Variants in PDZRN3 observed in about 807,000 individuals in gnomAD.
PDZRN3 encodes the protein E3 ubiquitin-protein ligase PDZRN3.
Under a neutral mutation model 85.7 loss-of-function variants are expected in PDZRN3, and 38 were observed. The ratio of observed to expected loss-of-function variants is 0.44; its 90% CI spans 0.34 to 0.58. The LOEUF (loss-of-function observed/expected upper bound fraction) is 0.58, where lower values mean the gene tolerates loss of function less well. Ranked by LOEUF, PDZRN3 falls within the 20% of genes least tolerant of loss-of-function variation. The pLI is 0.01. For synonymous variants in PDZRN3, 759 were observed against 638.0 expected (o/e 1.19, Z -2.86); for missense variants, 1,629 against 1,506.4 (o/e 1.08, Z -1.35).
At chr3:73,530,645 GTTT>G (rs146826934) in intron 3 of PDZRN3, among the ~76,000 whole-genome samples, 102 of 151,914 alleles carry the variant, frequency 6.7e-4, no homozygotes, top group Non-Finnish European at 1.1e-3. Flanking sequence ...CAGATCAAAT[GTTT>G]TTTGTTTATT....
chr3:73,485,055 T>C (rs1330677131), intron 3 of PDZRN3, among the ~76,000 whole-genome samples: 1 of 152,100 alleles, frequency 6.6e-6, no homozygotes, highest in Non-Finnish European at 1.5e-5. Flanking sequence ...AAAAACAAGC[T>C]TTTTATTAGT....
At chr3:73,578,115 C>G (rs896152320) in intron 3 of PDZRN3, among the ~76,000 whole-genome samples, 1 of 151,934 alleles carries the variant, frequency 6.6e-6, no homozygotes, top group Non-Finnish European at 1.5e-5. Flanking sequence ...CTTAAGTGTG[C>G]CATTTGTTTA....
intron 5 of PDZRN3, among the ~76,000 whole-genome samples, chr3:73,396,253 G>C (rs1701634647): frequency 6.6e-6 from 1 of 152,068 alleles, no homozygotes; most frequent in Admixed American, 6.6e-5. Flanking sequence ...AGTACTGGTG[G>C]CATAGGGATG....
At chr3:73,476,244 G>A (rs1287387365) in intron 3 of PDZRN3, among the ~76,000 whole-genome samples, 1 of 152,190 alleles carries the variant, frequency 6.6e-6, no homozygotes, top group Non-Finnish European at 1.5e-5. Flanking sequence ...CATGGCTGGG[G>A]AGGCCTCAGG....
chr3:73,562,498 A>G (rs1262002996), intron 3 of PDZRN3, among the ~76,000 whole-genome samples: 1 of 152,312 alleles, frequency 6.6e-6, no homozygotes, highest in South Asian at 2.1e-4. Context: ...AACTACACAC[A>G]AAGTATATCA....
chr3:73,438,903 T>C (rs1409001790), intron 3 of PDZRN3, among the ~76,000 whole-genome samples: 2 of 152,242 alleles, frequency 1.3e-5, no homozygotes, highest in African/African-American at 2.4e-5. Context: ...TTTCTGGCAG[T>C]GCTGAATGAA....
chr3:73,457,634 T>C (rs7614618), intron 3 of PDZRN3, among the ~76,000 whole-genome samples: 101,051 of 151,918 alleles, frequency 0.67, 34,374 homozygotes, highest in East Asian at 0.91. Flanking sequence ...ACCACAGAGA[T>C]GTTACTGTAG....
intron 3 of PDZRN3, among the ~76,000 whole-genome samples, chr3:73,557,786 TTAAAA>T (rs1352549869): frequency 6.6e-6 from 1 of 152,200 alleles, no homozygotes; most frequent in Non-Finnish European, 1.5e-5. Flanking sequence ...TAATAAAATT[TTAAAA>T]TATCATTTAA....
rs565471159 is a variant in PDZRN3, at chr3:73,439,242, G to A, written c.919-34847C>T. On this transcript the variant is annotated intron_variant, in intron 3 of 9. Transcript: ENST00000263666. ...ATTCAGCATCAGATACATACTGAGG[G>A]CCTGCTCAGCACCAGTCACTTTTCT... Among the ~76,000 whole-genome samples the A allele has an allele frequency of 8.5e-5, 13 of 152,174 alleles. 1 individual carries two copies. The highest frequency in any genetic ancestry group is 2.0e-4 in the Admixed American group (3 of 15,278).
chr3:73,515,574 T>A (rs868739500), intron 3 of PDZRN3, among the ~76,000 whole-genome samples: 1 of 152,138 alleles, frequency 6.6e-6, no homozygotes, highest in African/African-American at 2.4e-5. Context: ...TTACAGAATC[T>A]CTATTTCAAA....
intron 3 of PDZRN3, among the ~76,000 whole-genome samples, chr3:73,593,744 ACACACAC>A (rs1455638807): frequency 6.6e-6 from 1 of 151,298 alleles, no homozygotes; most frequent in African/African-American, 2.4e-5. Context: ...ACACACACAC[ACACACAC>A]ACTTTGGAGA....
At chr3:73,408,815 CGAGAT>C (rs758806277) in intron 3 of PDZRN3, among the ~76,000 whole-genome samples, 2 of 152,044 alleles carry the variant, frequency 1.3e-5, no homozygotes, top group African/African-American at 2.4e-5. Context: ...AGACTCTTAG[CGAGAT>C]GATGACTCCG....
At chr3:73,441,411 C>CCAA (rs1336877173) in intron 3 of PDZRN3, among the ~76,000 whole-genome samples, 2 of 68,192 alleles carry the variant, frequency 2.9e-5, no homozygotes, top group South Asian at 6.8e-4. Context: ...GACTCTGTCC[C>CCAA]AAAAAAAAAA....
intron 3 of PDZRN3, among the ~76,000 whole-genome samples, chr3:73,442,501 G>C (rs1702658884): frequency 6.6e-6 from 1 of 152,202 alleles, no homozygotes; most frequent in South Asian, 2.1e-4. Flanking sequence ...TCAGAAAAAT[G>C]ACTAGAATAA....
At chr3:73,597,352 C>T (rs541351638) in intron 3 of PDZRN3, among the ~76,000 whole-genome samples, 11 of 152,308 alleles carry the variant, frequency 7.2e-5, no homozygotes, top group East Asian at 1.9e-4. Context: ...GACCGGTTTA[C>T]ACAAAAGCCT....
At chr3:73,444,325 C>G (rs1702706132) in intron 3 of PDZRN3, among the ~76,000 whole-genome samples, 1 of 152,192 alleles carries the variant, frequency 6.6e-6, no homozygotes, top group Admixed American at 6.5e-5. Flanking sequence ...CTGCCATCTG[C>G]ACTGTGCCAG....
chr3:73,411,572 C>G (rs1236238263), intron 3 of PDZRN3, among the ~76,000 whole-genome samples: 1 of 150,782 alleles, frequency 6.6e-6, no homozygotes, highest in East Asian at 1.9e-4. Context: ...GGTGGTGGTC[C>G]TGCTTCTGGC....
chr3:73,593,555 C>T (rs775293479), intron 3 of PDZRN3, among the ~76,000 whole-genome samples: 41 of 152,132 alleles, frequency 2.7e-4, no homozygotes, highest in Non-Finnish European at 5.4e-4. Context: ...CGTTTCCATA[C>T]CTGGCGCCAT....
intron 3 of PDZRN3, among the ~76,000 whole-genome samples, chr3:73,583,657 G>A (rs1341445443): frequency 6.6e-6 from 1 of 152,128 alleles, no homozygotes; most frequent in Non-Finnish European, 1.5e-5. Context: ...AAGTAAAATA[G>A]CACAGGATGG....
Sources: gnomAD v4.1 joint callset for allele counts (sites outside exome capture counted in the v4.1 genomes callset) on GRCh38, gnomAD v4.1.1 for gene constraint, MANE v1.5 for transcripts, NCBI Gene and HGNC (gene_info 2026-07-23, HGNC 2026-07-21) for gene names.